The following WDR83 variants were observed in gnomAD, a reference collection of about 807,000 sequenced individuals.
The protein encoded by WDR83 is WD repeat domain-containing protein 83.
A neutral mutation model predicts 37.7 loss-of-function variants in WDR83; 37 were observed. That is an observed-to-expected ratio of 0.98 (90% CI 0.76 to 1.29). The LOEUF is 1.29. Among genes scored for constraint, WDR83 ranks in the 50% most tolerant of loss-of-function variants. WDR83 has a pLI of 0.00. For missense variants in WDR83, 445 were observed against 414.4 expected (o/e 1.07, Z -0.64); for synonymous variants, 174 against 181.1 (o/e 0.96, Z 0.31).
rs143070723 is a variant in WDR83, at chr19:12,675,622, G to A, written c.898G>A (p.Val300Ile). 91 of 1,603,330 alleles carry A rather than the reference G, an allele frequency of 5.7e-5. No individual in the cohort carries two copies. Among genetic ancestry groups the A allele is most frequent in the South Asian group, 2.4e-4 (22 of 91,050 alleles). ...PCLLTAMGGS[V>I]QCWREEAYEA... ...CCTGCTGACCGCCATGGGAGGCAGC[G>A]TCCAGTGCTGGCGAGAGGAGGCCTA... The change falls in exon 11 of 11, where the codon GTC (valine) becomes ATC (isoleucine). Residue 300 changes from valine (V) to isoleucine (I), a missense_variant. Coordinates refer to ENST00000418543, the MANE Select transcript of WDR83 (RefSeq NM_001099737.3).
chr19:12,673,561 G>A (rs1009924177), intron 10 of WDR83, among the ~76,000 whole-genome samples: 3 of 151,928 alleles, frequency 2.0e-5, no homozygotes, highest in Non-Finnish European at 2.9e-5. Context: ...GGGATTATAG[G>A]TGCGTGCCAC....
In WDR83 at chr19:12,672,893, C is replaced by A; in HGVS notation, c.553C>A (p.Leu185Ile). Residue 185 changes from leucine to isoleucine, a missense_variant, in exon 8 of 11, where the codon CTC (leucine) becomes ATC (isoleucine). Coordinates refer to ENST00000418543, the MANE Select transcript of WDR83 (RefSeq NM_001099737.3). ...VRRYDLRMGQ[L>I]FSDYVGSPIT... ...ACGCTATGACCTAAGGATGGGGCAG[C>A]TCTTCTCAGACTACGTGGGCAGTGA... is the stretch of plus-strand genomic sequence containing the variant. 1 of 1,597,834 alleles carries A rather than the reference C, an allele frequency of 6.3e-7. No individual in the cohort carries two copies. The highest frequency in any genetic ancestry group is 8.5e-7 in the Non-Finnish European group (1 of 1,172,152).
rs1599361972 is a variant in WDR83 at position 12,666,835 on chromosome 19, T to G, written c.-314T>G. ...GTCTGGAGGCTCACGGGAGAGAGGCTGTAGCCCTGGGCAATCCCGGGGGTC... is the reference window on the plus strand; with the variant it reads ...GTCTGGAGGCTCACGGGAGAGAGGCGGTAGCCCTGGGCAATCCCGGGGGTC... On this transcript the variant is annotated 5_prime_UTR_variant, in exon 1 of 11. Coordinates refer to ENST00000418543, the MANE Select transcript of WDR83 (RefSeq NM_001099737.3). 1.2e-6 allele frequency: 1 copy of G among 867,732 alleles called. No individual in the cohort carries two copies. The highest frequency in any genetic ancestry group is 2.7e-5 in the East Asian group (1 of 37,344). The allele number at this position is 867,732 out of a possible 1,614,324, so 53.8% of individuals were successfully genotyped here. A position where few individuals can be genotyped will look rare whatever the true frequency, so the allele number is the denominator to read the frequency against.
At chr19:12,671,194 G>A in intron 7 of WDR83, 1 of 201,170 alleles carries the variant, frequency 5.0e-6, no homozygotes, top group Non-Finnish European at 1.1e-5. Context: ...CAGGTGTGGT[G>A]ACGGGAGCCT....
chr19:12,670,971 G>C, intron 7 of WDR83, 150 bp downstream of exon 7: 1 of 1,210,542 alleles, frequency 8.3e-7, no homozygotes, highest in Non-Finnish European at 1.1e-6. Context: ...AGGATCACTT[G>C]AGTCCAAGAG....
In WDR83 at chr19:12,670,300, G is replaced by A. The variant is rs2024374415; in HGVS notation, c.330+15G>A. ...GCCACGCAGGGGTGAGTGAAAGCCT[G>A]GAGACCCTCATTTGAGTGGAGGGGA... On this transcript the variant is annotated intron_variant, in intron 5 of 10. Coordinates refer to ENST00000418543, the MANE Select transcript of WDR83 (RefSeq NM_001099737.3). The A allele has an allele frequency of 1.9e-6, 3 of 1,611,868 alleles. No homozygotes were observed. Among genetic ancestry groups the A allele is most frequent in the Non-Finnish European group, 2.5e-6 (3 of 1,178,648 alleles).
At chr19:12,669,277 G>A (rs1328642873) in intron 2 of WDR83, 12 of 1,609,192 alleles carry the variant, frequency 7.5e-6, no homozygotes, top group Admixed American at 1.7e-5. Flanking sequence ...TCCTGCCCCC[G>A]GGATAGACAG....
chr19:12,669,051 C>A, intron 2 of WDR83: 2 of 1,476,578 alleles, frequency 1.4e-6, no homozygotes, highest in East Asian at 2.3e-5. Flanking sequence ...TGACAAGACA[C>A]CCCGCTTCAT....
rs1016113762 is a variant in WDR83, at chr19:12,666,861, G to A, written c.-288G>A. The A allele has an allele frequency of 1.5e-5, 10 of 686,818 alleles. No individual in the cohort carries two copies. Among genetic ancestry groups the A allele is most frequent in the Non-Finnish European group, 2.4e-5 (10 of 419,072 alleles). The allele number at this position is 686,818 out of a possible 1,614,324, so 42.5% of individuals were successfully genotyped here. On this transcript the variant is annotated 5_prime_UTR_variant, in exon 1 of 11. Coordinates refer to ENST00000418543, the MANE Select transcript of WDR83 (RefSeq NM_001099737.3). ...GTAGCCCTGGGCAATCCCGGGGGTC[G>A]TTACAGGAAGGTAGGAAAATGCCAC... is the stretch of plus-strand genomic sequence containing the variant.
chr19:12,673,385 C>A, intron 10 of WDR83, 69 bp downstream of exon 10: 8 of 797,078 alleles, frequency 1.0e-5, no homozygotes, highest in African/African-American at 1.7e-5. Flanking sequence ...TTACCTCAGT[C>A]ACTCCAGGGC....
chr19:12,672,165 T>G (rs2024442161), intron 7 of WDR83: 1 of 152,898 alleles, frequency 6.5e-6, no homozygotes, highest in South Asian at 2.0e-4. Flanking sequence ...TCAAACCGTG[T>G]TGTTCATGGG....
In WDR83 at chr19:12,669,763, A is replaced by T; in HGVS notation, c.-28A>T. The T allele has an allele frequency of 2.6e-6, 4 of 1,561,732 alleles. No homozygotes were observed. The South Asian group carries it at 4.8e-5, about 19-fold the overall frequency. ...CGGAATTTTCCGTACAGACCGATTTAAGGCTGCAAGGAAGGAGTCCTGGGA... is the reference window on the plus strand; with the variant it reads ...CGGAATTTTCCGTACAGACCGATTTTAGGCTGCAAGGAAGGAGTCCTGGGA... On this transcript the variant is annotated 5_prime_UTR_variant, in exon 3 of 11. It introduces an in-frame stop codon into an upstream open reading frame of the 5' UTR. Transcript: ENST00000418543.
chr19:12,674,777 AG>A (rs1458509307), intron 10 of WDR83, among the ~76,000 whole-genome samples: 1 of 152,160 alleles, frequency 6.6e-6, no homozygotes, highest in Non-Finnish European at 1.5e-5. Flanking sequence ...ATGGTCTAGA[AG>A]CAGAGCCAAG....
intron 2 of WDR83, 102 bp downstream of exon 2, chr19:12,668,729 G>T: frequency 1.1e-6 from 1 of 902,834 alleles, no homozygotes; most frequent in Non-Finnish European, 1.8e-6. Flanking sequence ...ATGCAGCTGG[G>T]ACCTTGCCCC....
In WDR83 at chr19:12,666,981, C is replaced by T. The variant is rs914812890; in HGVS notation, c.-168C>T. ...ATGCCGGAATTCCAAGACGGAATGC[C>T]TCTTAATGCCGGTAGGAGCAGAAGT... On this transcript the variant is annotated 5_prime_UTR_variant, in exon 1 of 11. Transcript: ENST00000418543. 3 of 540,110 alleles carry T rather than the reference C, an allele frequency of 5.6e-6. No individual in the cohort carries two copies. Among genetic ancestry groups the T allele is most frequent in the Non-Finnish European group, 9.9e-6 (3 of 304,338 alleles). The allele number at this position is 540,110 out of a possible 1,614,324, so 33.5% of individuals were successfully genotyped here.
At chr19:12,669,915 C>G (rs2024360175) in intron 3 of WDR83, 22 bp downstream of exon 3, 1 of 1,601,040 alleles carries the variant, frequency 6.2e-7, no homozygotes. Context: ...CGTCTTCATT[C>G]CGGGTCCTCC....
Position 12,668,609 on chromosome 19 carries a change from C to T in WDR83, c.-55C>T, listed in dbSNP as rs746998715. On this transcript the variant is annotated 5_prime_UTR_variant, in exon 2 of 11. Transcript: ENST00000418543. ...AGCAGTAGACAGCGACCCAAGCACA[C>T]CACTTCAGCTAGGGAAAGGTAAGTG... The T allele has an allele frequency of 1.2e-6, 2 of 1,614,026 alleles. No individual in the cohort carries two copies. Among genetic ancestry groups the T allele is most frequent in the Non-Finnish European group, 1.7e-6 (2 of 1,179,972 alleles).
At chr19:12,675,038 A>G (rs2024531199) in intron 10 of WDR83, among the ~76,000 whole-genome samples, 1 of 151,742 alleles carries the variant, frequency 6.6e-6, no homozygotes, top group Non-Finnish European at 1.5e-5. Context: ...CGCTTGAACT[A>G]GGGAGTCGGA....
In WDR83 at chr19:12,675,369, C is replaced by G. The variant is rs145837175; in HGVS notation, c.799-154C>G. Reference sequence around the variant, plus strand: ...CTCAGTCTGAGGTAGATTAATTTTGCAGTGTCTAGGAGGCAATTAGAGGCA... The same window carrying G: ...CTCAGTCTGAGGTAGATTAATTTTGGAGTGTCTAGGAGGCAATTAGAGGCA... On this transcript the variant is annotated intron_variant, in intron 10 of 10. Coordinates refer to ENST00000418543, the MANE Select transcript of WDR83 (RefSeq NM_001099737.3). Among the ~76,000 whole-genome samples, 725 of 152,260 alleles carry G rather than the reference C, an allele frequency of 4.8e-3. 3 individuals carry two copies. Among genetic ancestry groups the G allele is most frequent in the African/African-American group, 0.016 (682 of 41,548 alleles).
Sources: gnomAD v4.1 joint callset for allele counts (sites outside exome capture counted in the v4.1 genomes callset) on GRCh38, gnomAD v4.1.1 for gene constraint, MANE v1.5 for transcripts, NCBI Gene and HGNC (gene_info 2026-07-23, HGNC 2026-07-21) for gene names.